The following SYNPO2 variants were observed in gnomAD, a reference collection of about 807,000 sequenced individuals.
SYNPO2 encodes synaptopodin-2.
SYNPO2 carries 56 observed loss-of-function variants against 85.0 expected under a neutral mutation model. That is an observed-to-expected ratio of 0.66 (90% CI 0.53 to 0.82). SYNPO2 has a LOEUF of 0.82. Among genes scored for constraint, SYNPO2 ranks in the 40% least tolerant of loss-of-function variants. The pLI is 0.00. For synonymous variants in SYNPO2, 602 were observed against 591.1 expected, an observed-to-expected ratio of 1.02 and a Z score of -0.27; for missense variants, 1,575 against 1,534.2, an observed-to-expected ratio of 1.03 and a Z score of -0.44.
chr4:118,930,522 G>A (rs890696542), intron 1 of SYNPO2, among the ~76,000 whole-genome samples: 3 of 152,084 alleles, frequency 2.0e-5, no homozygotes, highest in Non-Finnish European at 2.9e-5. Context: ...CCTATTTGCA[G>A]CAAAGGGCCT....
In SYNPO2 at chr4:118,939,924, G is replaced by A. The variant is rs147162401; in HGVS notation, c.105+50783G>A. On this transcript the variant is annotated intron_variant, in intron 1 of 4. Coordinates refer to ENST00000307142, the MANE Select transcript of SYNPO2 (RefSeq NM_133477.3). ...TGAATGTGCTGGCTTGGCACTAAAG[G>A]GCATTAGAGTGCCACACACAAAGCA... Among the ~76,000 whole-genome samples, 627 of 151,804 alleles carry A rather than the reference G, an allele frequency of 4.1e-3. 3 individuals carry two copies. Among genetic ancestry groups the A allele is most frequent in the African/African-American group, 0.014 (571 of 41,392 alleles).
upstream of SYNPO2, among the ~76,000 whole-genome samples, chr4:118,887,940 G>A (rs143511836): frequency 5.7e-3 from 863 of 152,268 alleles, 13 homozygotes; most frequent in African/African-American, 0.02. Context: ...GAAAACAAAA[G>A]TATTATAGGA....
At chr4:119,015,984 A>C (rs74594380) in intron 1 of SYNPO2, among the ~76,000 whole-genome samples, 20,239 of 152,216 alleles carry the variant, frequency 0.13, 1,715 homozygotes, top group Middle Eastern at 0.22. Context: ...CTAATTTTCT[A>C]AACCAAATAA....
chr4:118,881,853 TTTCA>T (rs1732110046), intron 1 of SYNPO2, among the ~76,000 whole-genome samples: 1 of 152,240 alleles, frequency 6.6e-6, no homozygotes, highest in Admixed American at 6.5e-5. Flanking sequence ...GGTGCGCATG[TTTCA>T]TTCCTGGAAA....
chr4:119,019,853 A>G (rs148261786), intron 1 of SYNPO2, among the ~76,000 whole-genome samples: 71 of 152,256 alleles, frequency 4.7e-4, no homozygotes, highest in African/African-American at 1.7e-3. Context: ...TATGAATCCA[A>G]GACTAGTGGC....
Position 119,058,736 on chromosome 4 carries a change from G to T in SYNPO2, c.*802G>T, listed in dbSNP as rs1019672765. The stretch of plus-strand genomic sequence containing the variant: ...GATCTGCCCGCCTCAGCCTCCCAAA[G>T]TGCTGGGATTACAGGCGTGAGCCAC... On this transcript the variant is annotated 3_prime_UTR_variant, in exon 5 of 5. Transcript: ENST00000307142. 6.6e-6 allele frequency: 1 copy of T among 151,860 alleles called. No homozygotes were observed. The highest frequency in any genetic ancestry group is 6.6e-5 in the Admixed American group (1 of 15,250). 9.4% of individuals were successfully genotyped at this position (151,860 alleles called of 1,614,324 possible).
chr4:119,007,253 CATATATATATATATATATATATGTATAT>C (rs1737094579), intron 1 of SYNPO2, among the ~76,000 whole-genome samples: 2 of 38,146 alleles, frequency 5.2e-5, no homozygotes, highest in Non-Finnish European at 9.7e-5. Context: ...TATGTATATA[CATATATATATATATATATATATGTATAT>C]ACATATATAT....
Position 119,026,796 on chromosome 4 carries a change from G to C in SYNPO2, c.427G>C (p.Ala143Pro). 1 of 1,595,686 alleles carries C rather than the reference G, an allele frequency of 6.3e-7. No individual in the cohort carries two copies. The highest frequency in any genetic ancestry group is 8.5e-7 in the Non-Finnish European group (1 of 1,171,062). ...CCCTGTCAAGACTGAAGTTCCCCTA[G>C]CTGAGAACCAAAGAAGTGGTCCCGA... is the stretch of plus-strand genomic sequence containing the variant. ...LAPVKTEVPL[A>P]ENQRSGPDCA... The change falls in exon 3 of 5, where the codon GCT (alanine) becomes CCT (proline). Residue 143 changes from alanine (A) to proline (P), a missense_variant. Physicochemically the swap from Ala to Pro is conservative, Grantham distance 27 (BLOSUM62 -1). Coordinates refer to ENST00000307142, the MANE Select transcript of SYNPO2 (RefSeq NM_133477.3).
At position 119,031,953 on chromosome 4, in the gene SYNPO2, G is replaced by A. The variant is rs1372650085; in HGVS notation, c.3178G>A (p.Glu1060Lys). The A allele has an allele frequency of 1.2e-6, 2 of 1,614,110 alleles. No individual in the cohort carries two copies. Among genetic ancestry groups the A allele is most frequent in the Non-Finnish European group, 1.7e-6 (2 of 1,180,048 alleles). ...PVGIPTSPKQ[E>K]SASSSYFVAP... ...GGGCATTCCCACCTCGCCAAAGCAAGAATCAGCCTCATCATCTTATTTTGT... is the reference window on the plus strand; with the variant it reads ...GGGCATTCCCACCTCGCCAAAGCAAAAATCAGCCTCATCATCTTATTTTGT... The change falls in exon 4 of 5, where the codon GAA becomes AAA. Residue 1060 changes from glutamate to lysine, a missense_variant. Physicochemically the swap from Glu to Lys is moderately conservative, Grantham distance 56. This residue lies in a region of SYNPO2 where 1,508 missense variants were observed against 1,446.8 expected (regional missense o/e 1.04). Transcript: ENST00000307142.
At chr4:119,055,986 A>G (rs557587275) in intron 4 of SYNPO2, among the ~76,000 whole-genome samples, 1 of 152,356 alleles carries the variant, frequency 6.6e-6, no homozygotes, top group South Asian at 2.1e-4. Context: ...GAACTTGATT[A>G]AGAGAAAAGC....
At chr4:119,027,589 A>T in intron 3 of SYNPO2, 151 bp downstream of exon 3, 2 of 774,104 alleles carry the variant, frequency 2.6e-6, no homozygotes, top group East Asian at 5.5e-5. Flanking sequence ...CAAATGTGAA[A>T]TTGTGGAGAA....
chr4:118,852,317 C>T (rs567017519), intron 1 of SYNPO2, among the ~76,000 whole-genome samples: 1 of 152,246 alleles, frequency 6.6e-6, no homozygotes, highest in South Asian at 2.1e-4. Context: ...GTGGTGATTC[C>T]TCAAAGACCT....
chr4:118,902,233 T>C (rs576188720), intron 1 of SYNPO2, among the ~76,000 whole-genome samples: 1 of 152,328 alleles, frequency 6.6e-6, no homozygotes, highest in Non-Finnish European at 1.5e-5. Context: ...TTCCTCTTCA[T>C]CCATTTCGGC....
chr4:118,991,446 C>A (rs776843887), intron 1 of SYNPO2, among the ~76,000 whole-genome samples: 3 of 152,158 alleles, frequency 2.0e-5, no homozygotes, highest in South Asian at 2.1e-4. Context: ...CCGCACCCGG[C>A]CTGTTTTTGT....
intron 1 of SYNPO2, among the ~76,000 whole-genome samples, chr4:118,998,319 T>C (rs887134382): frequency 2.0e-5 from 3 of 152,234 alleles, no homozygotes; most frequent in Non-Finnish European, 2.9e-5. Context: ...AAACACACTT[T>C]AAGGGCAAAG....
At chr4:119,023,068 G>T (rs1217014027) in intron 1 of SYNPO2, among the ~76,000 whole-genome samples, 5 of 152,122 alleles carry the variant, frequency 3.3e-5, no homozygotes, top group Admixed American at 6.6e-5. Flanking sequence ...AAGCCACCAC[G>T]CCTGGCCTGA....
intron 1 of SYNPO2, among the ~76,000 whole-genome samples, chr4:118,913,232 C>T (rs1215659836): frequency 6.6e-6 from 1 of 152,030 alleles, no homozygotes; most frequent in Non-Finnish European, 1.5e-5. Flanking sequence ...TTATGAAATA[C>T]AAATCATGAA....
chr4:118,883,883 G>GT (rs1406779310), upstream of SYNPO2, among the ~76,000 whole-genome samples: 1 of 152,106 alleles, frequency 6.6e-6, no homozygotes, highest in African/African-American at 2.4e-5. Flanking sequence ...AAATTAGCTT[G>GT]TTACTGTTTC....
intron 4 of SYNPO2, chr4:119,036,934 C>T (rs1409266636): frequency 1.7e-6 from 2 of 1,211,072 alleles, no homozygotes; most frequent in African/African-American, 1.6e-5. Context: ...CCCAAGTATA[C>T]AGGGGAGAAA....
Sources: gnomAD v4.1 joint callset for allele counts (sites outside exome capture counted in the v4.1 genomes callset) on GRCh38, gnomAD v4.1.1 for gene constraint, gnomAD v4.1.1 regional missense constraint, MANE v1.5 for transcripts, NCBI Gene and HGNC (gene_info 2026-07-23, HGNC 2026-07-21) for gene names.